The following SETD1A variants were observed in gnomAD, a reference collection of about 807,000 sequenced individuals.
The protein encoded by SETD1A is SET domain containing 1A, histone lysine methyltransferase, also known as histone-lysine N-methyltransferase SETD1A.
In SETD1A, 29 loss-of-function variants were observed where a neutral mutation model predicts 149.9. That is an observed-to-expected ratio of 0.19 (90% confidence interval 0.14 to 0.26). The LOEUF (loss-of-function observed/expected upper bound fraction) is 0.26, where lower values mean the gene tolerates loss of function less well. SETD1A is among the 10% of genes least tolerant of loss of function. SETD1A has a pLI of 1.00. For missense variants in SETD1A, 2,109 were observed against 2,353.1 expected, an observed-to-expected ratio of 0.90 and a Z score of 2.15; for synonymous variants, 1,141 against 968.5, an observed-to-expected ratio of 1.18 and a Z score of -3.31.
At chr16:30,963,724 G>A (rs746095277) in intron 5 of SETD1A, among the ~76,000 whole-genome samples, 170 bp downstream of exon 5, 2 of 152,250 alleles carry the variant, frequency 1.3e-5, no homozygotes, top group Non-Finnish European at 1.5e-5. Flanking sequence ...CAGGCACAGT[G>A]GCTCACGCCT....
intron 13 of SETD1A, among the ~76,000 whole-genome samples, chr16:30,978,688 ATTGT>A (rs2056317869): frequency 6.6e-6 from 1 of 152,178 alleles, no homozygotes; most frequent in South Asian, 2.1e-4. Context: ...AACTGAGAAT[ATTGT>A]TTATGATGGA....
rs2056352877 is a variant in SETD1A, at chr16:30,980,146, A to C, written c.4360A>C (p.Thr1454Pro). Residue 1454 changes from threonine to proline, a missense_variant, in exon 14 of 19, where the codon ACA (threonine) becomes CCA (proline). Physicochemically the swap from Thr to Pro is conservative, Grantham distance 38. Around this residue, in one of 8 missense-constraint regions of SETD1A, gnomAD observed 254 missense variants for 409.3 expected, o/e 0.62. Coordinates refer to ENST00000262519, the MANE Select transcript of SETD1A (RefSeq NM_014712.3). The surrounding 1 kb of genome is among the most constrained non-coding windows in gnomAD (Gnocchi z 7.7). Reference sequence around the variant, plus strand: ...TACGTACGAGCGGCTGCTGCAGCAGACAAGCGGGGCTGACTGGCTCAACGA... The same window carrying C: ...TACGTACGAGCGGCTGCTGCAGCAGCCAAGCGGGGCTGACTGGCTCAACGA... ...RLTYERLLQQ[T>P]SGADWLNDTH... 1 of 1,611,046 alleles carries C rather than the reference A, an allele frequency of 6.2e-7. No individual in the cohort carries two copies. The highest frequency in any genetic ancestry group is 1.3e-5 in the African/African-American group (1 of 74,756).
At chr16:30,969,750 G>T in intron 12 of SETD1A, 61 bp downstream of exon 12, 1 of 1,355,052 alleles carries the variant, frequency 7.4e-7, no homozygotes, top group South Asian at 1.2e-5. Context: ...TGCCTGGCTA[G>T]CCCTTTTCTG....
In SETD1A at chr16:30,979,988, G is replaced by GCCCCCCCACCCCCC; in HGVS notation, c.4204_4205insCCCCCACCCCCCCC (p.Arg1402ProfsTer28). 2.7e-6 allele frequency: 4 copies of GCCCCCCCACCCCCC among 1,494,230 alleles called. No individual in the cohort carries two copies. Among genetic ancestry groups the GCCCCCCCACCCCCC allele is most frequent in the Admixed American group, 2.4e-5 (1 of 41,908 alleles). The allele number at this position is 1,494,230 out of a possible 1,614,324, so 92.6% of individuals were successfully genotyped here. On this transcript the variant is annotated frameshift_variant, in exon 14 of 19. Transcript: ENST00000262519. LOFTEE classifies it high-confidence loss of function. ...AGCCTCCGCTCCCACGCCCGGCGCC[G>GCCCCCCCACCCCCC]CCGCCCTCCGCCCCCACCCCCGCCG...
Position 30,971,489 on chromosome 16 carries a change from C to T in SETD1A, c.3128C>T (p.Ser1043Phe). 1 of 1,573,912 alleles carries T rather than the reference C, an allele frequency of 6.4e-7. No homozygotes were observed. Among genetic ancestry groups the T allele is most frequent in the African/African-American group, 1.4e-5 (1 of 73,762 alleles). Residue 1043 changes from serine to phenylalanine, a missense_variant, in exon 13 of 19, where the codon TCC becomes TTC. Transcript: ENST00000262519. Reference sequence around the variant, plus strand: ...AGCAGCAGCTCTTCCAGCTCCTCATCCTCCTCCTCCTCCTCGTCCTCATCC... The same window carrying T: ...AGCAGCAGCTCTTCCAGCTCCTCATTCTCCTCCTCCTCCTCGTCCTCATCC... ...SESSSSSSSS[S>F]SSSSSSSSSS...
rs144447718 is a variant in SETD1A, at chr16:30,982,539, C to T, written c.4813-1096C>T. On this transcript the variant is annotated intron_variant, in intron 17 of 18. Coordinates refer to ENST00000262519, the MANE Select transcript of SETD1A (RefSeq NM_014712.3). ...AGAAAAGAAAAAACAGGGTCAGTGG[C>T]AGCGACGTGTGGCTGGAGGGAACAG... Among the ~76,000 whole-genome samples, 23 of 151,634 alleles carry T rather than the reference C, an allele frequency of 1.5e-4. No individual in the cohort carries two copies. The East Asian group carries it at 3.7e-3, about 24-fold the overall frequency.
In SETD1A at chr16:30,979,988, G is replaced by GCCCCCCAACCCCCC; in HGVS notation, c.4204_4205insCCCCAACCCCCCCC (p.Arg1402ProfsTer28). On this transcript the variant is annotated frameshift_variant, in exon 14 of 19. Coordinates refer to ENST00000262519, the MANE Select transcript of SETD1A (RefSeq NM_014712.3). LOFTEE classifies it high-confidence loss of function. Reference sequence around the variant, plus strand: ...AGCCTCCGCTCCCACGCCCGGCGCCGCCGCCCTCCGCCCCCACCCCCGCCG... The same window carrying GCCCCCCAACCCCCC: ...AGCCTCCGCTCCCACGCCCGGCGCCGCCCCCCAACCCCCCCCGCCCTCCGCCCCCACCCCCGCCG... 6.7e-7 allele frequency: 1 copy of GCCCCCCAACCCCCC among 1,494,252 alleles called. No homozygotes were observed. Among genetic ancestry groups the GCCCCCCAACCCCCC allele is most frequent in the Non-Finnish European group, 8.9e-7 (1 of 1,126,974 alleles). The allele number at this position is 1,494,252 out of a possible 1,614,324, so 92.6% of individuals were successfully genotyped here.
intron 2 of SETD1A, 85 bp from the exon 3 acceptor site, chr16:30,959,006 C>A: frequency 7.0e-7 from 1 of 1,426,050 alleles, no homozygotes; most frequent in Non-Finnish European, 9.9e-7. Flanking sequence ...AGCTCTTCTG[C>A]ATGTGTGTGT....
intron 13 of SETD1A, among the ~76,000 whole-genome samples, chr16:30,977,602 G>C (rs1234567895): frequency 3.3e-5 from 5 of 152,240 alleles, no homozygotes; most frequent in Admixed American, 6.5e-5. Flanking sequence ...GAGGTGGTCT[G>C]TAGGGGGCGC....
chr16:30,958,004 G>GT (rs2055986687), intron 1 of SETD1A, 40 bp downstream of exon 1: 2 of 151,994 alleles, frequency 1.3e-5, no homozygotes, highest in Admixed American at 6.6e-5. Context: ...GGAGGTGGTG[G>GT]TGGGGGGGCG....
intron 13 of SETD1A, among the ~76,000 whole-genome samples, chr16:30,977,503 C>T (rs955694214): frequency 1.3e-5 from 2 of 152,216 alleles, no homozygotes; most frequent in Admixed American, 1.3e-4. Flanking sequence ...TTGGGACAGT[C>T]GCAGAGGGAA....
rs761904491 is a variant in SETD1A, at chr16:30,961,554, C to G, written c.517+17C>G. ...ACATCAAAGGTGAGGACTCCTCTGC[C>G]TGCCACTCAGGCTTGGCCTCCAGCG... On this transcript the variant is annotated intron_variant, in intron 4 of 18. Coordinates refer to ENST00000262519, the MANE Select transcript of SETD1A (RefSeq NM_014712.3). The surrounding 1 kb of genome is among the most constrained non-coding windows in gnomAD (Gnocchi z 4.0). The G allele has an allele frequency of 1.1e-5, 17 of 1,611,496 alleles. No individual in the cohort carries two copies. The highest frequency in any genetic ancestry group is 1.4e-5 in the Non-Finnish European group (17 of 1,179,172).
chr16:30,980,778 C>T lies in SETD1A; in HGVS notation c.4621C>T (p.Arg1541Trp). 1.9e-6 allele frequency: 3 copies of T among 1,595,354 alleles called. No homozygotes were observed. The highest frequency in any genetic ancestry group is 2.6e-6 in the Non-Finnish European group (3 of 1,168,566). ...GCTGTCCGAGCGCCGGTCCGAGCAG[C>T]GGCGGCTGCTGAGCGCCATCGGTAC... ...RVLSERRSEQ[R>W]RLLSAIGTSA... Residue 1541 changes from arginine to tryptophan, a missense_variant, in exon 16 of 19, where the codon CGG (arginine) becomes TGG (tryptophan). This residue lies in a region of SETD1A where 254 missense variants were observed against 409.3 expected (regional missense o/e 0.62). Transcript: ENST00000262519. This position sits in a 1 kb window ranked among gnomAD's most constrained non-coding sequence, Gnocchi z 7.7.
At position 30,984,090 on chromosome 16, in the gene SETD1A, C is replaced by T. The variant is rs994416485; in HGVS notation, c.*67C>T. ...TGGTGCCCTGAGCTCCCAGCACCCC[C>T]CCAGCCTTAGTGGGCTCAGCAGGGC... is the stretch of plus-strand genomic sequence containing the variant. On this transcript the variant is annotated 3_prime_UTR_variant, in exon 19 of 19. Transcript: ENST00000262519. The T allele has an allele frequency of 1.4e-6, 2 of 1,473,752 alleles. No individual in the cohort carries two copies. Among genetic ancestry groups the T allele is most frequent in the Admixed American group, 2.0e-5 (1 of 50,910 alleles). The allele number at this position is 1,473,752 out of a possible 1,614,324, so 91.3% of individuals were successfully genotyped here.
intron 13 of SETD1A, among the ~76,000 whole-genome samples, chr16:30,978,909 G>GTGTT (rs1325045052): frequency 2.0e-5 from 3 of 152,216 alleles, no homozygotes; most frequent in Non-Finnish European, 4.4e-5. Context: ...AGGTGTGTGT[G>GTGTT]TGGACTCCGA....
chr16:30,961,236 G>C lies in SETD1A; in HGVS notation c.247-31G>C. 1 of 1,611,262 alleles carries C rather than the reference G, an allele frequency of 6.2e-7. No homozygotes were observed. Among genetic ancestry groups the C allele is most frequent in the Non-Finnish European group, 8.5e-7 (1 of 1,177,824 alleles). On this transcript the variant is annotated intron_variant, in intron 3 of 18. Coordinates refer to ENST00000262519, the MANE Select transcript of SETD1A (RefSeq NM_014712.3). The surrounding 1 kb of genome is among the most constrained non-coding windows in gnomAD (Gnocchi z 4.0). ...ACAAAGGAACAGTGGTCAGTGTTGA[G>C]ACCCCATACCAACTCCTGTTCTTTC...
chr16:30,964,438 C>T (rs2056105428), intron 6 of SETD1A, 115 bp downstream of exon 6: 2 of 1,324,034 alleles, frequency 1.5e-6, no homozygotes, highest in African/African-American at 1.5e-5. Context: ...GTCCTAGTTT[C>T]TCTGTGGATT....
chr16:30,967,351 A>C (rs1171475645), intron 9 of SETD1A, 150 bp from the exon 10 acceptor site: 2 of 739,540 alleles, frequency 2.7e-6, no homozygotes, highest in African/African-American at 3.5e-5. Context: ...CTGGGGTTTC[A>C]CTGTGTTGGC....
chr16:30,962,051 CA>C (rs1366148181), intron 4 of SETD1A, among the ~76,000 whole-genome samples: 2 of 140,670 alleles, frequency 1.4e-5, no homozygotes, highest in Non-Finnish European at 3.0e-5. Context: ...CTACACTGCC[CA>C]GCCTGTTTTT....
Sources: allele counts gnomAD v4.1 joint callset (sites outside exome capture counted in the v4.1 genomes callset), GRCh38; gene constraint gnomAD v4.1.1; regional missense constraint gnomAD v4.1.1; non-coding constraint Gnocchi (gnomAD v3.1); transcripts MANE v1.5; gene names NCBI Gene and HGNC (gene_info 2026-07-23, HGNC 2026-07-21).